CACNA2D1: variants seen among roughly 807,000 people sequenced by gnomAD.
CACNA2D1 encodes calcium voltage-gated channel auxiliary subunit alpha2delta 1.
A neutral mutation model predicts 171.5 loss-of-function variants in CACNA2D1; 53 were observed. The ratio of observed to expected loss-of-function variants is 0.31; its 90% confidence interval spans 0.25 to 0.39. The LOEUF (loss-of-function observed/expected upper bound fraction) is 0.39, where lower values mean the gene tolerates loss of function less well. Ranked by LOEUF, CACNA2D1 falls within the 10% of genes least tolerant of loss-of-function variation. CACNA2D1 has a pLI of 1.00. For synonymous variants in CACNA2D1, 442 were observed against 443.1 expected (o/e 1.00, Z 0.03); for missense variants, 903 against 1,299.8 (o/e 0.69, Z 4.69).
chr7:81,970,075 C>T, intron 27 of CACNA2D1, 91 bp from the exon 28 acceptor site: 2 of 788,046 alleles, frequency 2.5e-6, no homozygotes, highest in Admixed American at 1.8e-5. Flanking sequence ...TACAGATACG[C>T]CTACATCTCA....
At chr7:82,175,979 C>T (rs1796508595) in intron 3 of CACNA2D1, among the ~76,000 whole-genome samples, 1 of 151,888 alleles carries the variant, frequency 6.6e-6, no homozygotes, top group African/African-American at 2.4e-5. Context: ...GTATTTTACC[C>T]TGCAGGAAAG....
Position 82,392,136 on chromosome 7 carries a change from T to C in CACNA2D1, c.96-42487A>G, listed in dbSNP as rs531435581. On this transcript the variant is annotated intron_variant, in intron 1 of 38. Transcript: ENST00000356860. ...GGCACACTTTCCTCTGATTGATCCT[T>C]ACCCTTCACTTAGTTTACATAAACC... Among the ~76,000 whole-genome samples, 6 of 152,310 alleles carry C rather than the reference T, an allele frequency of 3.9e-5. No individual in the cohort carries two copies. In the East Asian group the frequency reaches 9.7e-4, roughly 25 times the overall value.
intron 11 of CACNA2D1, among the ~76,000 whole-genome samples, chr7:82,035,753 C>G (rs1425973801): frequency 6.6e-6 from 1 of 152,086 alleles, no homozygotes; most frequent in Non-Finnish European, 1.5e-5. Flanking sequence ...ATGCCAAGAT[C>G]AAGGAAACTC....
intron 4 of CACNA2D1, among the ~76,000 whole-genome samples, chr7:82,138,145 T>G (rs1791896564): frequency 1.3e-5 from 2 of 152,114 alleles, no homozygotes; most frequent in African/African-American, 4.8e-5. Context: ...TACATTGTGT[T>G]TTCTCAGTTT....
intron 5 of CACNA2D1, 77 bp downstream of exon 5, chr7:82,136,558 G>T: frequency 1.8e-6 from 2 of 1,084,284 alleles, no homozygotes; most frequent in Non-Finnish European, 2.7e-6. Context: ...AAAACTGCTA[G>T]CTCAATTTAT....
chr7:82,375,884 C>T (rs1310177813), intron 1 of CACNA2D1, among the ~76,000 whole-genome samples: 2 of 152,180 alleles, frequency 1.3e-5, no homozygotes, highest in Admixed American at 6.5e-5. Flanking sequence ...GCTCTCCTGA[C>T]TCCAGGAGGA....
intron 1 of CACNA2D1, among the ~76,000 whole-genome samples, chr7:82,363,258 T>C (rs1242445214): frequency 9.7e-6 from 1 of 102,880 alleles, no homozygotes; most frequent in Non-Finnish European, 1.8e-5. Flanking sequence ...TTGTCTCTTT[T>C]TTTTTTTTTT....
At chr7:82,191,484 C>T (rs1346135777) in intron 3 of CACNA2D1, among the ~76,000 whole-genome samples, 1 of 151,722 alleles carries the variant, frequency 6.6e-6, no homozygotes, top group Non-Finnish European at 1.5e-5. Context: ...TTCTCTAAAC[C>T]TGAAAACCTA....
intron 3 of CACNA2D1, among the ~76,000 whole-genome samples, chr7:82,299,060 C>A (rs1224455239): frequency 5.6e-3 from 629 of 111,414 alleles, no homozygotes; most frequent in South Asian, 7.4e-3. Context: ...GAGACTCTGT[C>A]AAAAAAAAAA....
At chr7:82,080,555 A>G (rs999512327) in intron 7 of CACNA2D1, among the ~76,000 whole-genome samples, 4 of 152,256 alleles carry the variant, frequency 2.6e-5, no homozygotes, top group African/African-American at 7.2e-5. Context: ...TTGAATTTCA[A>G]TAAAAAATAA....
At chr7:82,172,616 C>CTTTTTTTTTTTTTTTTT (rs55737158) in intron 3 of CACNA2D1, among the ~76,000 whole-genome samples, 2 of 64,512 alleles carry the variant, frequency 3.1e-5, no homozygotes, top group African/African-American at 1.5e-4. Flanking sequence ...AGAAACCCGG[C>CTTTTTTTTTTTTTTTTT]TTTTTTTTTT....
At chr7:82,411,712 C>T (rs1827684580) in intron 1 of CACNA2D1, among the ~76,000 whole-genome samples, 1 of 152,046 alleles carries the variant, frequency 6.6e-6, no homozygotes, top group African/African-American at 2.4e-5. Context: ...TAGAAAATAT[C>T]TTGGGGAATT....
intron 10 of CACNA2D1, among the ~76,000 whole-genome samples, chr7:82,043,381 G>A (rs1188065489): frequency 1.3e-5 from 2 of 152,132 alleles, no homozygotes; most frequent in African/African-American, 2.4e-5. Context: ...AGGATACTCA[G>A]TACTAAAATT....
intron 4 of CACNA2D1, among the ~76,000 whole-genome samples, chr7:82,149,981 T>G (rs1382484994): frequency 6.6e-6 from 1 of 150,826 alleles, no homozygotes; most frequent in Non-Finnish European, 1.5e-5. Context: ...TACATGTGCG[T>G]GTGTGTGTGT....
chr7:82,314,810 G>A (rs1047031389), intron 3 of CACNA2D1, among the ~76,000 whole-genome samples: 22 of 152,044 alleles, frequency 1.4e-4, no homozygotes, highest in East Asian at 1.9e-4. Context: ...AAACTTATCC[G>A]TCATTATGCC....
intron 1 of CACNA2D1, among the ~76,000 whole-genome samples, chr7:82,384,216 A>C (rs6944219): frequency 0.078 from 11,803 of 152,176 alleles, 1,430 homozygotes; most frequent in African/African-American, 0.26. Context: ...TGTCTCCCCC[A>C]AAAAATGTGT....
chr7:82,224,143 G>A (rs1418136853), intron 3 of CACNA2D1, among the ~76,000 whole-genome samples: 2 of 152,082 alleles, frequency 1.3e-5, no homozygotes, highest in African/African-American at 2.4e-5. Flanking sequence ...CGACAGCAGT[G>A]CCTGATACAC....
intron 3 of CACNA2D1, among the ~76,000 whole-genome samples, chr7:82,262,977 C>T (rs1807322255): frequency 6.6e-6 from 1 of 152,094 alleles, no homozygotes; most frequent in Non-Finnish European, 1.5e-5. Context: ...TTAGATCATG[C>T]CTTTTTGTCC....
intron 10 of CACNA2D1, among the ~76,000 whole-genome samples, chr7:82,051,339 T>TA (rs1057450107): frequency 2.9e-4 from 44 of 152,110 alleles, no homozygotes; most frequent in Admixed American, 9.2e-4. Context: ...ACTTTGTACT[T>TA]ACATTTATAA....
Sources: gnomAD v4.1 joint callset for allele counts (sites outside exome capture counted in the v4.1 genomes callset) on GRCh38, gnomAD v4.1.1 for gene constraint, MANE v1.5 for transcripts, NCBI Gene and HGNC (gene_info 2026-07-23, HGNC 2026-07-21) for gene names.